The following FNIP1 variants were observed in gnomAD, a reference collection of about 807,000 sequenced individuals.
The protein encoded by FNIP1 is folliculin-interacting protein 1.
FNIP1 carries 40 observed loss-of-function variants against 124.5 expected under a neutral mutation model. That is an observed-to-expected ratio of 0.32 (90% CI 0.25 to 0.42). The LOEUF is 0.42. FNIP1 is among the 10% of genes least tolerant of loss of function. FNIP1 has a pLI of 1.00. For missense variants in FNIP1, 1,176 were observed against 1,403.7 expected (o/e 0.84, Z 2.59); for synonymous variants, 472 against 470.6 (o/e 1.00, Z -0.04).
intron 6 of FNIP1, among the ~76,000 whole-genome samples, chr5:131,712,438 C>T (rs1769327104): frequency 6.6e-6 from 1 of 152,152 alleles, no homozygotes; most frequent in African/African-American, 2.4e-5. Context: ...AGGGGGTCTG[C>T]GAAGTCCTCC....
Position 131,796,850 on chromosome 5 carries a change from C to T in FNIP1, c.72G>A (p.Arg24=), listed in dbSNP as rs767554558. The T allele has an allele frequency of 1.2e-6, 2 of 1,600,908 alleles. No individual in the cohort carries two copies. Among genetic ancestry groups the T allele is most frequent in the Non-Finnish European group, 1.7e-6 (2 of 1,174,522 alleles). ...TGLGAPGRDA[R]DPDCGFSWPL... ...CCTACCTGAACCCGCAATCTGGGTCCCGGGCGTCGCGGCCGGGCGCGCCCA... is the reference window on the plus strand; with the variant it reads ...CCTACCTGAACCCGCAATCTGGGTCTCGGGCGTCGCGGCCGGGCGCGCCCA... Residue 24 remains arginine, a synonymous_variant, in exon 1 of 18, where the codon CGG becomes CGA. Coordinates refer to ENST00000510461, the MANE Select transcript of FNIP1 (RefSeq NM_133372.3).
chr5:131,642,503 T>TA lies in FNIP1; in HGVS notation c.*2181dup, dbSNP rs1365786392. On this transcript the variant is annotated 3_prime_UTR_variant, in exon 18 of 18. Transcript: ENST00000510461. ...CTAAACGGTAATTAAACATTTTAAA[T>TA]AAAGAACAGTTTGATGGTTAAGGAG... is the stretch of plus-strand genomic sequence containing the variant. 3 of 150,298 alleles carry TA rather than the reference T, an allele frequency of 2.0e-5. No individual in the cohort carries two copies. Among genetic ancestry groups the TA allele is most frequent in the African/African-American group, 4.9e-5 (2 of 40,748 alleles). 9.3% of individuals were successfully genotyped at this position (150,298 alleles called of 1,614,324 possible).
chr5:131,769,639 G>A (rs1201287244), intron 1 of FNIP1, among the ~76,000 whole-genome samples: 1 of 152,136 alleles, frequency 6.6e-6, no homozygotes, highest in Non-Finnish European at 1.5e-5. Flanking sequence ...ATGCAAAAAG[G>A]CTTAATCCCA....
intron 1 of FNIP1, among the ~76,000 whole-genome samples, chr5:131,750,013 C>T (rs909308257): frequency 6.6e-6 from 1 of 152,104 alleles, no homozygotes; most frequent in Non-Finnish European, 1.5e-5. Context: ...GATTTCCAGG[C>T]AATGCTGTAC....
At chr5:131,685,696 C>A (rs1274864537) in intron 11 of FNIP1, among the ~76,000 whole-genome samples, 1 of 151,978 alleles carries the variant, frequency 6.6e-6, no homozygotes, top group Non-Finnish European at 1.5e-5. Context: ...TCAGATGTTC[C>A]ACCCTCCTCA....
rs558776679 is a variant in FNIP1, at chr5:131,684,332, G to C, written c.1203-5157C>G. On this transcript the variant is annotated intron_variant, in intron 11 of 17. Coordinates refer to ENST00000510461, the MANE Select transcript of FNIP1 (RefSeq NM_133372.3). ...AAAAGCACTGCAATTATATTTTGGG[G>C]TTACAAATAAATGTTAGCAAGTGGG... 5.3e-5 allele frequency among the ~76,000 whole-genome samples: 8 copies of C among 152,214 alleles called. No homozygotes were observed. In the South Asian group the frequency reaches 1.5e-3, roughly 28 times the overall value.
At chr5:131,776,509 T>C (rs1045719240) in intron 1 of FNIP1, among the ~76,000 whole-genome samples, 17 of 152,180 alleles carry the variant, frequency 1.1e-4, no homozygotes, top group African/African-American at 3.9e-4. Context: ...ACTCCATCAA[T>C]AGACTGGGTA....
At chr5:131,691,811 T>C (rs558342923) in intron 11 of FNIP1, among the ~76,000 whole-genome samples, 12 of 152,232 alleles carry the variant, frequency 7.9e-5, no homozygotes, top group Non-Finnish European at 1.6e-4. Context: ...ACTTAAAAAA[T>C]TGAATCAATA....
intron 1 of FNIP1, among the ~76,000 whole-genome samples, chr5:131,765,332 G>A (rs548176891): frequency 6.6e-6 from 1 of 152,096 alleles, no homozygotes; most frequent in South Asian, 2.1e-4. Context: ...CATATTACAT[G>A]GGTTTATAGA....
intron 11 of FNIP1, among the ~76,000 whole-genome samples, chr5:131,695,337 T>G (rs1261735864): frequency 6.6e-6 from 1 of 152,200 alleles, no homozygotes; most frequent in Non-Finnish European, 1.5e-5. Flanking sequence ...CTATTTATAC[T>G]CTTAACTGAT....
intron 3 of FNIP1, among the ~76,000 whole-genome samples, chr5:131,729,775 C>A (rs1190434682): frequency 1.3e-5 from 2 of 151,380 alleles, no homozygotes; most frequent in Admixed American, 1.3e-4. Flanking sequence ...GACAGAGGTT[C>A]GCTCTTGTTA....
At position 131,641,800 on chromosome 5, in the gene FNIP1, C is replaced by T. The variant is rs1211136424; in HGVS notation, c.*2885G>A. The T allele has an allele frequency of 6.6e-6, 1 of 152,636 alleles. No homozygotes were observed. The highest frequency in any genetic ancestry group is 1.9e-4 in the East Asian group (1 of 5,334). 9.5% of individuals were successfully genotyped at this position (152,636 alleles called of 1,614,324 possible). On this transcript the variant is annotated 3_prime_UTR_variant, in exon 18 of 18. Transcript: ENST00000510461. ...CAAGTGTACATTTGAGAAATGTATACAGAACAAGAAACAGCTATGTACATA... is the reference window on the plus strand; with the variant it reads ...CAAGTGTACATTTGAGAAATGTATATAGAACAAGAAACAGCTATGTACATA...
intron 1 of FNIP1, chr5:131,795,661 C>G (rs1442577387): frequency 1.3e-5 from 2 of 152,200 alleles, no homozygotes; most frequent in African/African-American, 4.8e-5. Context: ...AGAAAAACCT[C>G]TTCAATTCCA....
At chr5:131,665,463 T>C (rs1439553172) in intron 15 of FNIP1, among the ~76,000 whole-genome samples, 3 of 151,984 alleles carry the variant, frequency 2.0e-5, no homozygotes, top group Non-Finnish European at 4.4e-5. Flanking sequence ...TTTTTTAAAG[T>C]ATCACTTCCA....
At chr5:131,710,078 T>G (rs113485670) in intron 7 of FNIP1, among the ~76,000 whole-genome samples, 230 of 152,354 alleles carry the variant, frequency 1.5e-3, no homozygotes, top group African/African-American at 5.3e-3. Context: ...CATATATGCC[T>G]TTTACAGAGC....
At chr5:131,779,725 G>A (rs925869309) in intron 1 of FNIP1, among the ~76,000 whole-genome samples, 9 of 149,664 alleles carry the variant, frequency 6.0e-5, no homozygotes, top group African/African-American at 2.2e-4. Flanking sequence ...GAAATGATAG[G>A]ATGTCTACAA....
At position 131,744,671 on chromosome 5, in the gene FNIP1, C is replaced by G. The variant is rs1770616336; in HGVS notation, c.112G>C (p.Asp38His). ...CGFSWPLPEF[D>H]PSQIRLIVYQ... ...ACAATCAGTCGAATCTGGCTTGGATCAAACTCTGGTAAAGGCCAACTTGAA... is the reference window on the plus strand; with the variant it reads ...ACAATCAGTCGAATCTGGCTTGGATGAAACTCTGGTAAAGGCCAACTTGAA... Residue 38 changes from aspartate to histidine, a missense_variant, in exon 2 of 18, where the codon GAT becomes CAT. Physicochemically the swap from Asp to His is moderately conservative, Grantham distance 81 (BLOSUM62 -1). This residue lies in a region of FNIP1 where 1,109 missense variants were observed against 1,288.5 expected (regional missense o/e 0.86). Transcript: ENST00000510461. 6.2e-7 allele frequency: 1 copy of G among 1,608,848 alleles called. No individual in the cohort carries two copies. Among genetic ancestry groups the G allele is most frequent in the Non-Finnish European group, 8.5e-7 (1 of 1,177,398 alleles).
chr5:131,720,731 A>T (rs1769628675), intron 3 of FNIP1, among the ~76,000 whole-genome samples: 1 of 152,228 alleles, frequency 6.6e-6, no homozygotes, highest in Non-Finnish European at 1.5e-5. Flanking sequence ...CATACAAATG[A>T]CCAACTGATA....
At chr5:131,661,909 C>T (rs1767453103) in intron 15 of FNIP1, among the ~76,000 whole-genome samples, 1 of 152,140 alleles carries the variant, frequency 6.6e-6, no homozygotes, top group Admixed American at 6.5e-5. Context: ...TGTAGTGATT[C>T]TGGTGTACTT....
Sources: gnomAD v4.1 joint callset for allele counts (sites outside exome capture counted in the v4.1 genomes callset) on GRCh38, gnomAD v4.1.1 for gene constraint, gnomAD v4.1.1 regional missense constraint, MANE v1.5 for transcripts, NCBI Gene and HGNC (gene_info 2026-07-23, HGNC 2026-07-21) for gene names.